The following GLIS3 variants were observed in gnomAD, a reference collection of about 807,000 sequenced individuals.
GLIS3 encodes the protein zinc finger protein GLIS3.
In GLIS3, 53 loss-of-function variants were observed where a neutral mutation model predicts 78.6. The observed-to-expected ratio is 0.67, with a 90% CI of 0.54 to 0.85. The LOEUF (loss-of-function observed/expected upper bound fraction) is 0.85, where lower values mean the gene tolerates loss of function less well. Among genes scored for constraint, GLIS3 ranks in the 40% least tolerant of loss-of-function variants. The pLI is 0.00. For synonymous variants in GLIS3, 684 were observed against 509.9 expected (o/e 1.34, Z -4.60); for missense variants, 1,703 against 1,231.1 (o/e 1.38, Z -5.74).
intron 3 of GLIS3, among the ~76,000 whole-genome samples, chr9:4,125,165 C>T (rs577570308): frequency 8.5e-5 from 13 of 152,302 alleles, no homozygotes; most frequent in African/African-American, 2.6e-4. Context: ...GTATGCCTTT[C>T]CAGACACATC....
intron 4 of GLIS3, among the ~76,000 whole-genome samples, chr9:4,062,955 G>C (rs1826781842): frequency 6.6e-6 from 1 of 151,748 alleles, no homozygotes; most frequent in East Asian, 1.9e-4. Context: ...AGAATGTGAA[G>C]TACACAGGAA....
At chr9:4,144,451 T>C (rs1418714042) in intron 2 of GLIS3, among the ~76,000 whole-genome samples, 1 of 152,260 alleles carries the variant, frequency 6.6e-6, no homozygotes, top group Non-Finnish European at 1.5e-5. Context: ...CGTTTCTGTG[T>C]CATTTTTGTT....
intron 4 of GLIS3, among the ~76,000 whole-genome samples, chr9:4,066,246 T>C (rs1427737709): frequency 6.6e-6 from 1 of 152,156 alleles, no homozygotes; most frequent in Non-Finnish European, 1.5e-5. Flanking sequence ...CTCCAGCAGA[T>C]CATTAACACT....
chr9:3,999,029 T>C (rs962266455), intron 4 of GLIS3, among the ~76,000 whole-genome samples: 3 of 152,008 alleles, frequency 2.0e-5, no homozygotes, highest in African/African-American at 7.2e-5. Context: ...AAAAAGGTGG[T>C]ATAAAATACA....
intron 4 of GLIS3, among the ~76,000 whole-genome samples, chr9:4,089,956 A>C (rs764326): frequency 0.58 from 88,732 of 152,118 alleles, 26,965 homozygotes; most frequent in Non-Finnish European, 0.68. Context: ...GGTGCCTCCC[A>C]CTGTGTGCCA....
At chr9:3,937,564 G>A (rs1037565395) in intron 4 of GLIS3, among the ~76,000 whole-genome samples, 1 of 151,960 alleles carries the variant, frequency 6.6e-6, no homozygotes, top group Non-Finnish European at 1.5e-5. Flanking sequence ...TGAAGGAACT[G>A]GAAAGGAAGA....
chr9:3,925,606 C>CGT (rs200777823), intron 6 of GLIS3, among the ~76,000 whole-genome samples: 30,036 of 151,260 alleles, frequency 0.2, 3,354 homozygotes, highest in Non-Finnish European at 0.26. Flanking sequence ...CGTGTGCGCG[C>CGT]GTGTGTGTGT....
intron 4 of GLIS3, among the ~76,000 whole-genome samples, chr9:4,068,641 A>T (rs1174110084): frequency 6.6e-6 from 1 of 152,196 alleles, no homozygotes; most frequent in East Asian, 1.9e-4. Flanking sequence ...TTCACAAGAG[A>T]CATTCCCATT....
At chr9:4,022,753 C>G (rs1822993429) in intron 4 of GLIS3, among the ~76,000 whole-genome samples, 1 of 152,200 alleles carries the variant, frequency 6.6e-6, no homozygotes, top group African/African-American at 2.4e-5. Context: ...AAATGAGCTA[C>G]TGATACATGC....
chr9:4,387,186 G>A, the GLIS3 span, among the ~76,000 whole-genome samples: 1 of 152,170 alleles, frequency 6.6e-6, no homozygotes, highest in Non-Finnish European at 1.5e-5. Flanking sequence ...AACCTGGACT[G>A]TTCTAGAATC....
At chr9:4,093,677 G>C (rs919972713) in intron 4 of GLIS3, among the ~76,000 whole-genome samples, 81 of 152,178 alleles carry the variant, frequency 5.3e-4, no homozygotes, top group African/African-American at 2.0e-3. Flanking sequence ...CACAGGACAA[G>C]GCACCTTCAG....
rs1817909530 is a variant in GLIS3 at position 3,829,348 on chromosome 9, A to G, written c.2618T>C (p.Val873Ala). ...PTSMGQASFD[V>A]FHRAFSTHSG... is the part of the protein sequence containing the mutation. ...GTGAGTCGAGAAGGCTCTGTGGAAA[A>G]CATCAAAACTGGCCTGGCCCATGGA... Residue 873 changes from valine (V) to alanine (A), a missense_variant, in exon 10 of 11, where the codon GTT becomes GCT. Coordinates refer to ENST00000381971, the MANE Select transcript of GLIS3 (RefSeq NM_001042413.2). 15 of 1,614,072 alleles carry G rather than the reference A, an allele frequency of 9.3e-6. No individual in the cohort carries two copies. The highest frequency in any genetic ancestry group is 1.3e-5 in the Non-Finnish European group (15 of 1,179,994).
chr9:4,297,271 G>A (rs1043704054), intron 1 of GLIS3, among the ~76,000 whole-genome samples: 1 of 152,324 alleles, frequency 6.6e-6, no homozygotes, highest in East Asian at 1.9e-4. Flanking sequence ...TTGTCTTGAG[G>A]TCATCTTCGA....
intron 4 of GLIS3, among the ~76,000 whole-genome samples, chr9:4,030,855 C>G (rs1823775720): frequency 6.6e-6 from 1 of 152,206 alleles, no homozygotes; most frequent in Non-Finnish European, 1.5e-5. Flanking sequence ...ATCTTAGTCA[C>G]TAACACTGTA....
intron 1 of GLIS3, chr9:4,348,102 A>G (rs1232053669): frequency 6.6e-6 from 1 of 152,268 alleles, no homozygotes; most frequent in Non-Finnish European, 1.5e-5. Context: ...AGATCTTTGA[A>G]TAAGTATGTT....
chr9:4,245,864 T>G (rs1823759780), intron 2 of GLIS3, among the ~76,000 whole-genome samples: 1 of 152,222 alleles, frequency 6.6e-6, no homozygotes. Flanking sequence ...ACTAGCAAAG[T>G]AGGTAAATCT....
chr9:4,192,533 G>A (rs1818419671), intron 2 of GLIS3, among the ~76,000 whole-genome samples: 1 of 152,256 alleles, frequency 6.6e-6, no homozygotes, highest in Non-Finnish European at 1.5e-5. Context: ...GTTTCAACCT[G>A]TGAACTCACC....
intron 4 of GLIS3, among the ~76,000 whole-genome samples, chr9:4,050,787 T>C (rs1439524602): frequency 1.3e-5 from 2 of 152,086 alleles, no homozygotes; most frequent in African/African-American, 4.8e-5. Flanking sequence ...TGAAAGTCAC[T>C]GGCATCACTT....
At chr9:4,072,668 T>A (rs1349993353) in intron 4 of GLIS3, among the ~76,000 whole-genome samples, 1 of 151,950 alleles carries the variant, frequency 6.6e-6, no homozygotes, top group Non-Finnish European at 1.5e-5. Context: ...AAGCATGAAC[T>A]TTTTTTTAAT....
Sources: allele counts gnomAD v4.1 joint callset (sites outside exome capture counted in the v4.1 genomes callset), GRCh38; gene constraint gnomAD v4.1.1; transcripts MANE v1.5; gene names NCBI Gene and HGNC (gene_info 2026-07-23, HGNC 2026-07-21).